The following SKAP2 variants were observed in gnomAD, a reference collection of about 807,000 sequenced individuals.
The protein encoded by SKAP2 is src kinase-associated phosphoprotein 2.
A neutral mutation model predicts 54.9 loss-of-function variants in SKAP2; 28 were observed. That is an observed-to-expected ratio of 0.51 (90% confidence interval 0.38 to 0.70). The LOEUF is 0.70. Ranked by LOEUF, SKAP2 falls within the 30% of genes least tolerant of loss-of-function variation. The pLI is 0.00. For missense variants in SKAP2, 356 were observed against 424.1 expected (o/e 0.84, Z 1.41); for synonymous variants, 137 against 134.3 (o/e 1.02, Z -0.14).
chr7:26,731,043 T>C lies in SKAP2; in HGVS notation c.470-4037A>G, dbSNP rs146892825. Among the ~76,000 whole-genome samples, 733 of 152,258 alleles carry C rather than the reference T, an allele frequency of 4.8e-3. 5 individuals carry two copies. Among genetic ancestry groups the C allele is most frequent in the African/African-American group, 0.017 (691 of 41,552 alleles). On this transcript the variant is annotated intron_variant, in intron 6 of 12. Coordinates refer to ENST00000345317, the MANE Select transcript of SKAP2 (RefSeq NM_003930.5). ...ACCAATTTGCTCACGGTCACACAAA[T>C]AGTAAACAGTAAAAGCCAGGACCCT...
At chr7:26,823,237 C>T (rs1042251343) in intron 4 of SKAP2, among the ~76,000 whole-genome samples, 1 of 151,846 alleles carries the variant, frequency 6.6e-6, no homozygotes, top group African/African-American at 2.4e-5. Flanking sequence ...ACCAGCCTGT[C>T]CAACATGGTG....
intron 4 of SKAP2, among the ~76,000 whole-genome samples, chr7:26,792,102 AT>A (rs1283115025): frequency 6.6e-6 from 1 of 152,224 alleles, no homozygotes; most frequent in Non-Finnish European, 1.5e-5. Flanking sequence ...CTGGCTACAT[AT>A]TGTATAATAC....
At chr7:26,711,845 A>G (rs1787313328) in intron 9 of SKAP2, among the ~76,000 whole-genome samples, 1 of 152,328 alleles carries the variant, frequency 6.6e-6, no homozygotes, top group South Asian at 2.1e-4. Context: ...AGATACACAC[A>G]CAGGAAGTGG....
intron 9 of SKAP2, among the ~76,000 whole-genome samples, chr7:26,709,525 T>C (rs780934438): frequency 3.3e-5 from 5 of 152,210 alleles, no homozygotes; most frequent in Non-Finnish European, 7.3e-5. Context: ...AGATAATGTT[T>C]AAACATTTTC....
At chr7:26,778,139 T>C (rs1323000420) in intron 4 of SKAP2, among the ~76,000 whole-genome samples, 2 of 151,964 alleles carry the variant, frequency 1.3e-5, no homozygotes, top group Non-Finnish European at 2.9e-5. Context: ...TAAAAGTTGT[T>C]TGTTCTAGGA....
At chr7:26,778,897 G>A (rs1017320189) in intron 4 of SKAP2, among the ~76,000 whole-genome samples, 2 of 151,730 alleles carry the variant, frequency 1.3e-5, no homozygotes, top group African/African-American at 4.8e-5. Context: ...GATCTTCACT[G>A]TCAACATCAA....
chr7:26,697,625 T>A (rs1432951442), intron 9 of SKAP2, among the ~76,000 whole-genome samples: 1 of 152,150 alleles, frequency 6.6e-6, no homozygotes, highest in Non-Finnish European at 1.5e-5. Context: ...GGCTCTGGAT[T>A]TCTGATACAA....
chr7:26,846,111 T>TA, intron 3 of SKAP2, among the ~76,000 whole-genome samples: 1 of 152,110 alleles, frequency 6.6e-6, no homozygotes, highest in Non-Finnish European at 1.5e-5. Context: ...TTTACATTCT[T>TA]AATGAAATTA....
At chr7:26,740,413 T>G (rs1336518334) in intron 4 of SKAP2, among the ~76,000 whole-genome samples, 3 of 152,190 alleles carry the variant, frequency 2.0e-5, no homozygotes, top group Non-Finnish European at 4.4e-5. Context: ...TGCTGAAACT[T>G]GTTTCTCTGA....
intron 4 of SKAP2, among the ~76,000 whole-genome samples, chr7:26,836,018 G>T (rs930091166): frequency 6.6e-6 from 1 of 152,122 alleles, no homozygotes; most frequent in African/African-American, 2.4e-5. Context: ...GAACAGAAAA[G>T]AGGCCACAGA....
chr7:26,830,101 G>C (rs749570196), intron 4 of SKAP2, among the ~76,000 whole-genome samples: 16 of 152,088 alleles, frequency 1.1e-4, no homozygotes, highest in Non-Finnish European at 2.1e-4. Context: ...GATGAACCTT[G>C]AAAACATTAT....
chr7:26,833,127 A>T (rs1219658450), intron 4 of SKAP2, among the ~76,000 whole-genome samples: 1 of 152,050 alleles, frequency 6.6e-6, no homozygotes, highest in Admixed American at 6.6e-5. Context: ...GAGGGTCAAA[A>T]ATCTGTAACT....
At chr7:26,727,093 G>T in intron 6 of SKAP2, 87 bp from the exon 7 acceptor site, 1 of 1,115,658 alleles carries the variant, frequency 9.0e-7, no homozygotes. Flanking sequence ...ATCAATTCTT[G>T]GAAATAACAT....
At chr7:26,819,035 C>T (rs1016004072) in intron 4 of SKAP2, among the ~76,000 whole-genome samples, 3 of 152,088 alleles carry the variant, frequency 2.0e-5, no homozygotes, top group African/African-American at 7.2e-5. Flanking sequence ...GGATCTGGAA[C>T]CAGAAATACC....
At chr7:26,823,880 C>G (rs1584411305) in intron 4 of SKAP2, among the ~76,000 whole-genome samples, 1 of 152,116 alleles carries the variant, frequency 6.6e-6, no homozygotes, top group Non-Finnish European at 1.5e-5. Flanking sequence ...TCAGGGTGAG[C>G]AAAGAAAGTA....
chr7:26,666,193 G>A (rs1786103324), downstream of SKAP2, among the ~76,000 whole-genome samples: 1 of 152,056 alleles, frequency 6.6e-6, no homozygotes, highest in South Asian at 2.1e-4. Flanking sequence ...TCCAACAAAT[G>A]AAATACAAAT....
chr7:26,675,223 C>T (rs150242278), intron 11 of SKAP2, among the ~76,000 whole-genome samples: 2 of 152,260 alleles, frequency 1.3e-5, no homozygotes, highest in Non-Finnish European at 2.9e-5. Context: ...TAGCTTGTTC[C>T]CACCCTGCTG....
At chr7:26,659,270 G>A in the SKAP2 span, among the ~76,000 whole-genome samples, 1 of 151,988 alleles carries the variant, frequency 6.6e-6, no homozygotes, top group African/African-American at 2.4e-5. Context: ...TTTAAAAAAT[G>A]CCGTGACTAA....
At position 26,670,089 on chromosome 7, in the gene SKAP2, A is replaced by T; in HGVS notation, c.*9+2T>A. On this transcript the variant is annotated splice_donor_variant, in intron 12 of 12. Transcript: ENST00000345317. LOFTEE classifies it low-confidence loss of function (3UTR_SPLICE). ...CAGAATATTGGATTAAAATGTACTT[A>T]CCCAGGACTCTCAAATATCATACAT... 8.2e-7 allele frequency: 1 copy of T among 1,217,038 alleles called. No homozygotes were observed. Among genetic ancestry groups the T allele is most frequent in the Non-Finnish European group, 1.2e-6 (1 of 817,878 alleles). The allele number at this position is 1,217,038 out of a possible 1,614,324, so 75.4% of individuals were successfully genotyped here.
Sources: allele counts gnomAD v4.1 joint callset (sites outside exome capture counted in the v4.1 genomes callset), GRCh38; gene constraint gnomAD v4.1.1; transcripts MANE v1.5; gene names NCBI Gene and HGNC (gene_info 2026-07-23, HGNC 2026-07-21).